The following MUSK variants were observed in gnomAD, a reference collection of about 807,000 sequenced individuals.
MUSK encodes the protein muscle associated receptor tyrosine kinase, also known as muscle, skeletal receptor tyrosine-protein kinase.
A neutral mutation model predicts 88.7 loss-of-function variants in MUSK; 55 were observed. The observed-to-expected ratio is 0.62, with a 90% CI of 0.50 to 0.78. MUSK has a LOEUF of 0.78. Among genes scored for constraint, MUSK ranks in the 30% least tolerant of loss-of-function variants. The pLI is 0.00. For synonymous variants in MUSK, 387 were observed against 391.9 expected, an observed-to-expected ratio of 0.99 and a Z score of 0.15; for missense variants, 1,015 against 1,074.3, an observed-to-expected ratio of 0.94 and a Z score of 0.77.
chr9:110,693,480 G>A (rs2076385128), intron 3 of MUSK, among the ~76,000 whole-genome samples: 1 of 151,984 alleles, frequency 6.6e-6, no homozygotes, highest in Non-Finnish European at 1.5e-5. Flanking sequence ...AATTCCTAAT[G>A]GTCCATCAGC....
Position 110,805,259 on chromosome 9 carries a change from A to T in MUSK, c.*4271A>T, listed in dbSNP as rs1159997172. 6.6e-6 allele frequency among the ~76,000 whole-genome samples: 1 copy of T among 151,934 alleles called. No homozygotes were observed. The highest frequency in any genetic ancestry group is 1.5e-5 in the Non-Finnish European group (1 of 67,814). The stretch of plus-strand genomic sequence containing the variant: ...ACTTTTAATACTTTTTAAATATATT[A>T]AAAAATTACCTTCCTGAATTATTTT... On this transcript the variant is annotated 3_prime_UTR_variant, in exon 15 of 15. Coordinates refer to ENST00000374448, the MANE Select transcript of MUSK (RefSeq NM_005592.4).
At chr9:110,688,593 T>C (rs1215128397) in intron 3 of MUSK, among the ~76,000 whole-genome samples, 1 of 152,020 alleles carries the variant, frequency 6.6e-6, no homozygotes, top group African/African-American at 2.4e-5. Flanking sequence ...ATCCATTCTA[T>C]TCTTCTTGAT....
intron 11 of MUSK, among the ~76,000 whole-genome samples, chr9:110,784,394 C>G (rs1228816230): frequency 1.3e-5 from 2 of 152,022 alleles, no homozygotes; most frequent in Non-Finnish European, 2.9e-5. Context: ...CATTTTTCAT[C>G]TTCTTTCATG....
chr9:110,756,938 T>A (rs1235566143), intron 7 of MUSK, among the ~76,000 whole-genome samples: 1 of 152,090 alleles, frequency 6.6e-6, no homozygotes, highest in Non-Finnish European at 1.5e-5. Context: ...TGTCTTGCTT[T>A]TTGAGGGCAT....
intron 4 of MUSK, 92 bp from the exon 5 acceptor site, chr9:110,697,233 T>A: frequency 7.5e-7 from 1 of 1,331,426 alleles, no homozygotes; most frequent in Non-Finnish European, 1.1e-6. Flanking sequence ...TTGATGATGA[T>A]AATAGTGATG....
At chr9:110,733,467 T>A (rs1356600575) in intron 5 of MUSK, among the ~76,000 whole-genome samples, 1 of 152,100 alleles carries the variant, frequency 6.6e-6, no homozygotes, top group African/African-American at 2.4e-5. Flanking sequence ...AAGGTAAAAT[T>A]TCTTCCTACA....
At chr9:110,708,904 G>A (rs2076634683) in intron 5 of MUSK, among the ~76,000 whole-genome samples, 1 of 152,086 alleles carries the variant, frequency 6.6e-6, no homozygotes, top group Admixed American at 6.6e-5. Context: ...GAAATGAAAA[G>A]TTATCGTGAC....
Position 110,706,309 on chromosome 9 carries a change from C to G in MUSK, c.628+8843C>G, listed in dbSNP as rs1420972278. On this transcript the variant is annotated intron_variant, in intron 5 of 14. Coordinates refer to ENST00000374448, the MANE Select transcript of MUSK (RefSeq NM_005592.4). ...TTTTCAGTGAGATGATGCCACCTAG[C>G]CTTTTTCCCTCAAAACCTTTTATTT... The G allele has an allele frequency of 1.0e-5, 3 of 299,032 alleles. No individual in the cohort carries two copies. The Admixed American group carries it at 1.4e-4, about 14-fold the overall frequency. The allele number at this position is 299,032 out of a possible 1,614,324, so 18.5% of individuals were successfully genotyped here.
At chr9:110,750,255 A>G (rs2077230781) in intron 7 of MUSK, among the ~76,000 whole-genome samples, 1 of 152,130 alleles carries the variant, frequency 6.6e-6, no homozygotes, top group Non-Finnish European at 1.5e-5. Context: ...CCCGTGCCAG[A>G]GCTCTTTCTC....
chr9:110,784,719 T>A (rs1564290524), intron 11 of MUSK, 96 bp from the exon 12 acceptor site: 2 of 929,250 alleles, frequency 2.2e-6, no homozygotes, highest in East Asian at 5.2e-5. Flanking sequence ...CATAAATATA[T>A]TATTATCATG....
intron 5 of MUSK, among the ~76,000 whole-genome samples, chr9:110,714,774 A>G (rs1030723616): frequency 1.3e-5 from 2 of 152,176 alleles, no homozygotes; most frequent in Non-Finnish European, 2.9e-5. Flanking sequence ...GTGTTTTTTA[A>G]GTCAAATATA....
chr9:110,732,251 C>G (rs1033715213), intron 5 of MUSK, among the ~76,000 whole-genome samples: 1 of 151,914 alleles, frequency 6.6e-6, no homozygotes, highest in Non-Finnish European at 1.5e-5. Flanking sequence ...GTCCCACACT[C>G]AAAAAATTTA....
chr9:110,682,072 A>G (rs1307269867), intron 1 of MUSK, among the ~76,000 whole-genome samples: 2 of 152,118 alleles, frequency 1.3e-5, no homozygotes, highest in African/African-American at 4.8e-5. Context: ...ATTAAAGTGT[A>G]CAATTCACAA....
chr9:110,779,842 T>TTACTATGTTC (rs2077724437), intron 11 of MUSK, among the ~76,000 whole-genome samples: 2 of 152,330 alleles, frequency 1.3e-5, no homozygotes, highest in South Asian at 4.1e-4. Flanking sequence ...ACATGTTTAG[T>TTACTATGTTC]TACTATGTTC....
intron 8 of MUSK, among the ~76,000 whole-genome samples, chr9:110,763,789 GC>G (rs1459763791): frequency 1.3e-5 from 2 of 152,182 alleles, no homozygotes; most frequent in African/African-American, 4.8e-5. Flanking sequence ...CATCTGGAAT[GC>G]CCTTGGGACA....
In MUSK at chr9:110,800,291, G is replaced by A. The variant is rs1400481817; in HGVS notation, c.1928-15G>A. 1.9e-6 allele frequency: 3 copies of A among 1,589,754 alleles called. No homozygotes were observed. Among genetic ancestry groups the A allele is most frequent in the African/African-American group, 1.3e-5 (1 of 74,362 alleles). On this transcript the variant is annotated splice_polypyrimidine_tract_variant and intron_variant, in intron 14 of 14. Transcript: ENST00000374448. ...GTAGAAACTGAGACTAACAGGGATG[G>A]TCTTTTGGTTCCAGGAGTGTGTGCT...
At chr9:110,789,533 C>A (rs549083315) in intron 14 of MUSK, among the ~76,000 whole-genome samples, 1 of 152,168 alleles carries the variant, frequency 6.6e-6, no homozygotes, top group Non-Finnish European at 1.5e-5. Flanking sequence ...AATTTCAACA[C>A]TTTGTGAGGC....
At position 110,729,352 on chromosome 9, in the gene MUSK, G is replaced by GA. The variant is rs1360500142; in HGVS notation, c.629-4887dup. On this transcript the variant is annotated intron_variant, in intron 5 of 14. Coordinates refer to ENST00000374448, the MANE Select transcript of MUSK (RefSeq NM_005592.4). ...AAAAAAAAAAAAAAAAAAGAAAAAAGAAAAAAAAAAAAGGTACCTTGCATT... is the reference window on the plus strand; with the variant it reads ...AAAAAAAAAAAAAAAAAAGAAAAAAGAAAAAAAAAAAAAGGTACCTTGCATT... 2.5e-3 allele frequency among the ~76,000 whole-genome samples: 269 copies of GA among 107,024 alleles called. 1 individual carries two copies. Among genetic ancestry groups the GA allele is most frequent in the East Asian group, 6.7e-3 (27 of 4,030 alleles). The allele number at this position is 107,024 out of a possible 152,430, so 70.2% of individuals were successfully genotyped here. A position where few individuals can be genotyped will look rare whatever the true frequency, so the allele number is the denominator to read the frequency against.
At chr9:110,755,686 C>T (rs1428960917) in intron 7 of MUSK, among the ~76,000 whole-genome samples, 2 of 151,988 alleles carry the variant, frequency 1.3e-5, no homozygotes, top group African/African-American at 4.8e-5. Context: ...CATTCAGGAA[C>T]ATGGAGAGTA....
Sources: gnomAD v4.1 joint callset for allele counts (sites outside exome capture counted in the v4.1 genomes callset) on GRCh38, gnomAD v4.1.1 for gene constraint, MANE v1.5 for transcripts, NCBI Gene and HGNC (gene_info 2026-07-23, HGNC 2026-07-21) for gene names.